Variants in GPR158 observed in about 807,000 individuals in gnomAD.
GPR158 encodes metabotropic glycine receptor.
Under a neutral mutation model 78.2 loss-of-function variants are expected in GPR158, and 30 were observed. The ratio of observed to expected loss-of-function variants is 0.38; its 90% CI spans 0.29 to 0.52. The LOEUF is 0.52. Ranked by LOEUF, GPR158 falls within the 20% of genes least tolerant of loss-of-function variation. GPR158 has a pLI of 0.83. For synonymous variants in GPR158, 581 were observed against 591.1 expected (o/e 0.98, Z 0.25); for missense variants, 1,463 against 1,523.5 (o/e 0.96, Z 0.66).
At chr10:25,326,563 C>T (rs1037129488) in intron 2 of GPR158, among the ~76,000 whole-genome samples, 18 of 152,008 alleles carry the variant, frequency 1.2e-4, no homozygotes, top group Non-Finnish European at 4.4e-5. Flanking sequence ...AATACTTGAA[C>T]TCATAGAAGC....
At chr10:25,509,734 C>T (rs943309167) in intron 5 of GPR158, among the ~76,000 whole-genome samples, 3 of 151,916 alleles carry the variant, frequency 2.0e-5, no homozygotes, top group Non-Finnish European at 2.9e-5. Context: ...TTTTATTTTT[C>T]GACGCAGAAT....
At chr10:25,497,904 G>A (rs550855070) in intron 5 of GPR158, among the ~76,000 whole-genome samples, 1 of 152,228 alleles carries the variant, frequency 6.6e-6, no homozygotes, top group South Asian at 2.1e-4. Context: ...AATATTATCA[G>A]TATCACTAAA....
At chr10:25,447,874 C>T (rs1224603677) in intron 4 of GPR158, among the ~76,000 whole-genome samples, 3 of 152,174 alleles carry the variant, frequency 2.0e-5, no homozygotes, top group African/African-American at 7.2e-5. Flanking sequence ...CACACACCTA[C>T]ATAACCCACA....
Position 25,600,770 on chromosome 10 carries a change from G to A in GPR158, c.*1496G>A, listed in dbSNP as rs1306834594. 6.6e-6 allele frequency: 1 copy of A among 152,340 alleles called. No individual in the cohort carries two copies. The highest frequency in any genetic ancestry group is 6.6e-5 in the Admixed American group (1 of 15,266). 9.4% of individuals were successfully genotyped at this position (152,340 alleles called of 1,614,324 possible). On this transcript the variant is annotated 3_prime_UTR_variant, in exon 11 of 11. Coordinates refer to ENST00000376351, the MANE Select transcript of GPR158 (RefSeq NM_020752.3). ...GAGCCACTTGCTCGACATGTAACAT[G>A]TAAGGTCCATTTGCAAAGCAAAGCA...
Position 25,589,105 on chromosome 10 carries a change from C to T in GPR158, c.1852C>T (p.His618Tyr), listed in dbSNP as rs1179743397. The change falls in exon 8 of 11, where the codon CAC (histidine) becomes TAC (tyrosine). Residue 618 changes from histidine to tyrosine, a missense_variant. Transcript: ENST00000376351. ...GCCCCGCTATATGGCTGTTGCAGTT[C>T]ACAATGAGCTCATCATCTCTGCTAT... Reference protein sequence around the residue: ...HEPRYMAVAVHNELIISAIFH... With the variant: ...HEPRYMAVAVYNELIISAIFH... 6.2e-7 allele frequency: 1 copy of T among 1,612,186 alleles called. No homozygotes were observed. Among genetic ancestry groups the T allele is most frequent in the Admixed American group, 1.7e-5 (1 of 59,976 alleles).
chr10:25,274,985 T>G (rs555365681), intron 2 of GPR158, among the ~76,000 whole-genome samples: 9 of 152,194 alleles, frequency 5.9e-5, no homozygotes, highest in Non-Finnish European at 1.3e-4. Context: ...TTTCCTTATT[T>G]GAAAATTAGT....
chr10:25,265,562 T>C (rs1292481826), intron 2 of GPR158, among the ~76,000 whole-genome samples: 3 of 152,176 alleles, frequency 2.0e-5, no homozygotes, highest in African/African-American at 7.2e-5. Flanking sequence ...TTAAGGTACT[T>C]CTACTCTTAA....
At chr10:25,189,360 A>C (rs180743610) in intron 1 of GPR158, among the ~76,000 whole-genome samples, 2 of 152,346 alleles carry the variant, frequency 1.3e-5, no homozygotes, top group East Asian at 3.9e-4. Flanking sequence ...CACTATTCAC[A>C]ATAGCAAAGA....
chr10:25,225,540 A>G (rs1853361849), intron 2 of GPR158, among the ~76,000 whole-genome samples: 3 of 152,112 alleles, frequency 2.0e-5, no homozygotes, highest in African/African-American at 7.2e-5. Context: ...ATTAACATTA[A>G]TCCAAGTCCT....
At chr10:25,444,230 TGGG>T (rs1239718722) in intron 4 of GPR158, among the ~76,000 whole-genome samples, 1 of 145,250 alleles carries the variant, frequency 6.9e-6, no homozygotes, top group Non-Finnish European at 1.5e-5. Flanking sequence ...GCAGGAATAA[TGGG>T]GGGTGTGTGT....
At chr10:25,586,714 G>A (rs902635409) in intron 7 of GPR158, among the ~76,000 whole-genome samples, 21 of 152,096 alleles carry the variant, frequency 1.4e-4, no homozygotes, top group African/African-American at 2.2e-4. Flanking sequence ...TGCCCGGCCC[G>A]GTATGCATGA....
At chr10:25,540,457 A>T (rs1836563571) in intron 5 of GPR158, among the ~76,000 whole-genome samples, 1 of 152,228 alleles carries the variant, frequency 6.6e-6, no homozygotes, top group African/African-American at 2.4e-5. Context: ...CACCCAAAGG[A>T]TTATAAATCA....
At chr10:25,418,054 C>A (rs1335722917) in intron 4 of GPR158, among the ~76,000 whole-genome samples, 1 of 152,138 alleles carries the variant, frequency 6.6e-6, no homozygotes, top group Non-Finnish European at 1.5e-5. Context: ...ATAACAATGT[C>A]AAACCTAGCA....
At chr10:25,192,385 G>A (rs1852784240) in intron 1 of GPR158, among the ~76,000 whole-genome samples, 2 of 152,198 alleles carry the variant, frequency 1.3e-5, no homozygotes, top group South Asian at 2.1e-4. Context: ...TTGTAGCAGT[G>A]TGAGAACGGA....
At chr10:25,297,297 A>C (rs1026014535) in intron 2 of GPR158, among the ~76,000 whole-genome samples, 6 of 152,358 alleles carry the variant, frequency 3.9e-5, no homozygotes. Flanking sequence ...GTCCAGGAGA[A>C]TAAACTTGTA....
intron 5 of GPR158, among the ~76,000 whole-genome samples, chr10:25,516,456 C>T (rs1165770977): frequency 6.6e-6 from 1 of 151,628 alleles, no homozygotes; most frequent in Non-Finnish European, 1.5e-5. Context: ...ATGCCTATGT[C>T]CTGAATGGTA....
chr10:25,488,597 C>T (rs1212788796), intron 5 of GPR158, among the ~76,000 whole-genome samples: 1 of 152,096 alleles, frequency 6.6e-6, no homozygotes, highest in African/African-American at 2.4e-5. Flanking sequence ...ATGTAACTCA[C>T]AATACAGGCT....
rs1038266362 is a variant in GPR158, at chr10:25,600,520, A to G, written c.*1246A>G. 5 of 152,296 alleles carry G rather than the reference A, an allele frequency of 3.3e-5. No individual in the cohort carries two copies. The highest frequency in any genetic ancestry group is 9.6e-5 in the African/African-American group (4 of 41,458). 9.4% of individuals were successfully genotyped at this position (152,296 alleles called of 1,614,324 possible). The stretch of plus-strand genomic sequence containing the variant: ...ATTATGGTAGCATCAAGATCATTGT[A>G]TGGATATATTTTTATTATGTGTACT... On this transcript the variant is annotated 3_prime_UTR_variant, in exon 11 of 11. Coordinates refer to ENST00000376351, the MANE Select transcript of GPR158 (RefSeq NM_020752.3).
At chr10:25,183,513 C>T (rs1468963047) in intron 1 of GPR158, among the ~76,000 whole-genome samples, 1 of 152,108 alleles carries the variant, frequency 6.6e-6, no homozygotes, top group Non-Finnish European at 1.5e-5. Context: ...AATCCTGTTA[C>T]CTATCTTTTT....
Sources: gnomAD v4.1 joint callset for allele counts (sites outside exome capture counted in the v4.1 genomes callset) on GRCh38, gnomAD v4.1.1 for gene constraint, MANE v1.5 for transcripts, NCBI Gene and HGNC (gene_info 2026-07-23, HGNC 2026-07-21) for gene names.